The following WDR7 variants were observed in gnomAD, a reference collection of about 807,000 sequenced individuals.
WDR7 encodes WD repeat-containing protein 7.
WDR7 carries 46 observed loss-of-function variants against 169.4 expected under a neutral mutation model. The ratio of observed to expected loss-of-function variants is 0.27; its 90% CI spans 0.21 to 0.35. The LOEUF (loss-of-function observed/expected upper bound fraction) is 0.35, where lower values mean the gene tolerates loss of function less well. WDR7 is among the 10% of genes least tolerant of loss of function. The pLI, the probability that WDR7 is intolerant of heterozygous loss-of-function variation, is 1.00. For synonymous variants in WDR7, 612 were observed against 666.8 expected, an observed-to-expected ratio of 0.92 and a Z score of 1.27; for missense variants, 1,534 against 1,859.3, an observed-to-expected ratio of 0.83 and a Z score of 3.22.
intron 21 of WDR7, among the ~76,000 whole-genome samples, chr18:56,916,075 T>C (rs1183690210): frequency 6.6e-6 from 1 of 152,234 alleles, no homozygotes; most frequent in Admixed American, 6.5e-5. Context: ...CAGATTCCTA[T>C]GAGGTCTTTG....
At chr18:56,785,092 G>A (rs984328899) in intron 19 of WDR7, among the ~76,000 whole-genome samples, 3 of 152,128 alleles carry the variant, frequency 2.0e-5, no homozygotes, top group Admixed American at 6.5e-5. Context: ...GTCAGGCTAA[G>A]GGAGTAGGGA....
chr18:56,693,725 C>G (rs528977516), intron 9 of WDR7, among the ~76,000 whole-genome samples: 71 of 151,884 alleles, frequency 4.7e-4, no homozygotes, highest in African/African-American at 1.5e-3. Context: ...GCACGCACCA[C>G]CACACCTGGC....
intron 4 of WDR7, 81 bp from the exon 5 acceptor site, chr18:56,682,598 C>T (rs1408109405): frequency 5.5e-5 from 80 of 1,444,674 alleles, no homozygotes; most frequent in Non-Finnish European, 4.6e-5. Flanking sequence ...ATTGTAATAA[C>T]CTTGATGAAT....
At chr18:56,773,899 T>C (rs138942945) in intron 16 of WDR7, among the ~76,000 whole-genome samples, 85 of 152,214 alleles carry the variant, frequency 5.6e-4, no homozygotes, top group African/African-American at 1.9e-3. Context: ...CTTTCTTCTC[T>C]TCCTTCTTCT....
chr18:56,965,438 C>CT (rs144014488), intron 26 of WDR7, among the ~76,000 whole-genome samples: 25 of 142,298 alleles, frequency 1.8e-4, no homozygotes, highest in South Asian at 4.5e-4. Context: ...TGACTTCTGC[C>CT]TTTTTTTTTT....
At chr18:56,921,976 G>C (rs1357873243) in intron 21 of WDR7, among the ~76,000 whole-genome samples, 1 of 152,072 alleles carries the variant, frequency 6.6e-6, no homozygotes, top group Non-Finnish European at 1.5e-5. Flanking sequence ...GTAAAAGATT[G>C]TACTTAGGAA....
At chr18:56,796,630 CCT>C (rs1423981211) in intron 19 of WDR7, among the ~76,000 whole-genome samples, 3 of 152,060 alleles carry the variant, frequency 2.0e-5, no homozygotes, top group Admixed American at 6.6e-5. Flanking sequence ...ATCTAATTGC[CCT>C]CTGTTATCAA....
intron 26 of WDR7, among the ~76,000 whole-genome samples, chr18:57,013,607 G>A (rs11662093): frequency 0.79 from 120,496 of 152,140 alleles, 48,803 homozygotes; most frequent in East Asian, 0.88. Context: ...AATAGAAGAG[G>A]GTTAACGAGC....
At chr18:56,785,555 C>T (rs1439900904) in intron 19 of WDR7, among the ~76,000 whole-genome samples, 1 of 152,134 alleles carries the variant, frequency 6.6e-6, no homozygotes, top group Non-Finnish European at 1.5e-5. Context: ...AGAAAACGCT[C>T]TTACCTGAAG....
chr18:56,895,285 C>T (rs1420814039), intron 21 of WDR7, among the ~76,000 whole-genome samples: 1 of 151,664 alleles, frequency 6.6e-6, no homozygotes, highest in African/African-American at 2.4e-5. Flanking sequence ...TGTAAAAAAT[C>T]ATCATTTTTT....
At chr18:56,803,693 G>A (rs1031389256) in intron 19 of WDR7, among the ~76,000 whole-genome samples, 6 of 152,132 alleles carry the variant, frequency 3.9e-5, no homozygotes, top group African/African-American at 1.2e-4. Context: ...AATAACAAAA[G>A]CAATGGTAAT....
intron 26 of WDR7, among the ~76,000 whole-genome samples, chr18:56,981,033 T>A (rs895011552): frequency 2.6e-5 from 4 of 152,100 alleles, no homozygotes; most frequent in African/African-American, 9.7e-5. Context: ...AAAGTAGAAA[T>A]GGGGAGACTA....
chr18:56,725,407 T>C (rs1202357246), intron 13 of WDR7, among the ~76,000 whole-genome samples: 1 of 151,936 alleles, frequency 6.6e-6, no homozygotes, highest in Non-Finnish European at 1.5e-5. Context: ...TGGCCAGTGA[T>C]GATGAGCATT....
chr18:57,027,256 A>G lies in WDR7; in HGVS notation c.*49A>G. On this transcript the variant is annotated 3_prime_UTR_variant, in exon 28 of 28. Transcript: ENST00000254442. ...GCGTTTTAGTTCTCTAAATTATCCA[A>G]GCCGATGTTGCTCTGTCCTTCCTCA... 6.4e-7 allele frequency: 1 copy of G among 1,551,100 alleles called. No homozygotes were observed. Among genetic ancestry groups the G allele is most frequent in the Non-Finnish European group, 8.7e-7 (1 of 1,150,548 alleles).
chr18:57,005,713 G>A (rs1163315467), intron 26 of WDR7, among the ~76,000 whole-genome samples: 1 of 151,988 alleles, frequency 6.6e-6, no homozygotes, highest in Non-Finnish European at 1.5e-5. Context: ...TTTAAATCAG[G>A]GGTGTCTTAA....
intron 14 of WDR7, chr18:56,753,457 G>T (rs533167911): frequency 3.9e-5 from 6 of 152,132 alleles, no homozygotes; most frequent in Non-Finnish European, 7.4e-5. Flanking sequence ...ATAGGAAAAT[G>T]CAAATATCTA....
chr18:56,803,141 T>C (rs2044707308), intron 19 of WDR7, among the ~76,000 whole-genome samples: 1 of 152,204 alleles, frequency 6.6e-6, no homozygotes, highest in African/African-American at 2.4e-5. Context: ...CTTATTCTTA[T>C]CTATAAAATA....
intron 1 of WDR7, among the ~76,000 whole-genome samples, chr18:56,671,246 G>T (rs991847683): frequency 2.6e-5 from 4 of 151,620 alleles, no homozygotes; most frequent in South Asian, 2.1e-4. Context: ...AGGCATAACG[G>T]GTTTGGAGTA....
chr18:56,843,569 G>A (rs1288167954), intron 20 of WDR7, among the ~76,000 whole-genome samples: 1 of 152,134 alleles, frequency 6.6e-6, no homozygotes, highest in South Asian at 2.1e-4. Flanking sequence ...TCAACAGAGT[G>A]GATCTGTCAT....
Sources: allele counts gnomAD v4.1 joint callset (sites outside exome capture counted in the v4.1 genomes callset), GRCh38; gene constraint gnomAD v4.1.1; transcripts MANE v1.5; gene names NCBI Gene and HGNC (gene_info 2026-07-23, HGNC 2026-07-21).